The following CCDC7 variants were observed in gnomAD, a reference collection of about 807,000 sequenced individuals.
CCDC7 encodes coiled-coil domain containing 7, also known as coiled-coil domain-containing protein 7.
Under a neutral mutation model 196.9 loss-of-function variants are expected in CCDC7, and 183 were observed. The observed-to-expected ratio is 0.93, with a 90% CI of 0.82 to 1.05. CCDC7 has a LOEUF of 1.05. Among genes scored for constraint, CCDC7 ranks in the 50% least tolerant of loss-of-function variants. The probability of loss-of-function intolerance (pLI) is 0.00; values close to 1 mark genes in which losing one functional copy is unlikely to be tolerated. For missense variants in CCDC7, 1,540 were observed against 1,482.2 expected (o/e 1.04, Z -0.64); for synonymous variants, 525 against 484.6 (o/e 1.08, Z -1.10).
At chr10:32,734,051 C>T (rs1424687198) in intron 28 of CCDC7, among the ~76,000 whole-genome samples, 1 of 152,074 alleles carries the variant, frequency 6.6e-6, no homozygotes, top group African/African-American at 2.4e-5. Context: ...GCAGAACTAC[C>T]ATTCAACACA....
intron 28 of CCDC7, among the ~76,000 whole-genome samples, chr10:32,772,295 C>A (rs1344419528): frequency 6.6e-6 from 1 of 152,284 alleles, no homozygotes; most frequent in East Asian, 1.9e-4. Context: ...AGTTCCCACT[C>A]ATTTGGTGAG....
intron 20 of CCDC7, among the ~76,000 whole-genome samples, chr10:32,641,062 C>A (rs915335496): frequency 6.6e-6 from 1 of 152,044 alleles, no homozygotes; most frequent in African/African-American, 2.4e-5. Flanking sequence ...GTAACCTGAG[C>A]TTTCTGTCTG....
Position 32,726,783 on chromosome 10 carries a change from C to T in CCDC7, c.2619C>T (p.Leu873=), listed in dbSNP as rs766187660. The T allele has an allele frequency of 1.6e-5, 26 of 1,603,576 alleles. 1 individual carries two copies. The Middle Eastern group carries it at 5.0e-4, about 31-fold the overall frequency. Residue 873 remains leucine (L), a synonymous_variant, in exon 26 of 42, where the codon CTC becomes CTT. Transcript: ENST00000639629. ...TTCATCAAGATTCAGTGTCAAAACT[C>T]CAAATGCAAGAAAAGAAAAAAATAA...
chr10:32,513,609 C>T (rs2046569331), intron 9 of CCDC7: 1 of 151,952 alleles, frequency 6.6e-6, no homozygotes, highest in South Asian at 2.1e-4. Flanking sequence ...TACCAAAATA[C>T]TAGCAAACTG....
At chr10:32,830,529 C>T (rs1014507613) in intron 32 of CCDC7, among the ~76,000 whole-genome samples, 2 of 151,906 alleles carry the variant, frequency 1.3e-5, no homozygotes, top group Admixed American at 6.6e-5. Context: ...AAAATCTATG[C>T]TTAAGCATGA....
chr10:32,880,808 CTTGT>C (rs999028530), downstream of CCDC7, among the ~76,000 whole-genome samples: 19 of 152,254 alleles, frequency 1.2e-4, no homozygotes, highest in Admixed American at 1.2e-3. Context: ...TTCCCTATTG[CTTGT>C]TTTTGTCAGG....
chr10:32,871,186 T>C (rs1217497495), intron 41 of CCDC7, among the ~76,000 whole-genome samples: 1 of 152,226 alleles, frequency 6.6e-6, no homozygotes, highest in Non-Finnish European at 1.5e-5. Context: ...TACCAGTTCC[T>C]CCTTGTACCT....
In CCDC7 at chr10:32,454,793, A is replaced by G. The variant is rs1280321591; in HGVS notation, c.372+1357A>G. On this transcript the variant is annotated intron_variant, in intron 2 of 41. Transcript: ENST00000639629. Reference sequence around the variant, plus strand: ...TTACCATAACTGTTTCATAATTTGAATTTCAGTCATCCTAATCTGTGGCCA... The same window carrying G: ...TTACCATAACTGTTTCATAATTTGAGTTTCAGTCATCCTAATCTGTGGCCA... Among the ~76,000 whole-genome samples the G allele has an allele frequency of 2.6e-5, 4 of 152,218 alleles. No homozygotes were observed. The East Asian group carries it at 5.8e-4, about 22-fold the overall frequency.
chr10:32,645,139 C>T (rs935966972), intron 20 of CCDC7, among the ~76,000 whole-genome samples: 21 of 152,076 alleles, frequency 1.4e-4, no homozygotes, highest in African/African-American at 4.8e-4. Context: ...AAATGAAAAC[C>T]ATAGTGAGAT....
At chr10:32,815,303 T>A (rs1483887895) in intron 31 of CCDC7, among the ~76,000 whole-genome samples, 1 of 152,032 alleles carries the variant, frequency 6.6e-6, no homozygotes, top group Non-Finnish European at 1.5e-5. Flanking sequence ...AGTAGTCTAA[T>A]AATAATAATA....
chr10:32,822,472 C>A (rs7902624), intron 31 of CCDC7, among the ~76,000 whole-genome samples: 140,541 of 152,168 alleles, frequency 0.92, 65,876 homozygotes, highest in East Asian at 1. Flanking sequence ...TGTAACAAAT[C>A]CTATAAACAT....
chr10:32,557,189 CA>C (rs1201272240), intron 13 of CCDC7, among the ~76,000 whole-genome samples: 1 of 150,852 alleles, frequency 6.6e-6, no homozygotes. Context: ...GCTTGGCTTT[CA>C]TTTTTTTCTG....
chr10:32,643,831 T>G (rs2139962453), intron 20 of CCDC7, among the ~76,000 whole-genome samples: 1 of 151,356 alleles, frequency 6.6e-6, no homozygotes, highest in Non-Finnish European at 1.5e-5. Flanking sequence ...TAATTTGGTC[T>G]TTTTTTGAAA....
chr10:32,820,529 C>T (rs1432574613), intron 31 of CCDC7, among the ~76,000 whole-genome samples: 1 of 152,126 alleles, frequency 6.6e-6, no homozygotes, highest in Admixed American at 6.5e-5. Context: ...GCCAAAAGAA[C>T]AAAGCTGGAG....
chr10:32,854,496 G>T lies in CCDC7; in HGVS notation c.4111+7G>T, dbSNP rs764735086. 6 of 1,434,862 alleles carry T rather than the reference G, an allele frequency of 4.2e-6. No homozygotes were observed. The highest frequency in any genetic ancestry group is 5.9e-6 in the Non-Finnish European group (6 of 1,021,932). The allele number at this position is 1,434,862 out of a possible 1,614,324, so 88.9% of individuals were successfully genotyped here. ...GGAAAACCTACCTATAAAGGTAAAA[G>T]AATCACTACAATACAGACATATGAA... On this transcript the variant is annotated splice_region_variant and intron_variant, in intron 41 of 41. Transcript: ENST00000639629.
At chr10:32,630,360 G>A (rs1008046891) in intron 18 of CCDC7, among the ~76,000 whole-genome samples, 4 of 152,018 alleles carry the variant, frequency 2.6e-5, no homozygotes, top group Admixed American at 6.6e-5. Context: ...ATATATGTAT[G>A]TGTATATATA....
intron 11 of CCDC7, among the ~76,000 whole-genome samples, chr10:32,534,339 C>G (rs2050139364): frequency 1.3e-5 from 2 of 152,060 alleles, no homozygotes; most frequent in South Asian, 4.1e-4. Flanking sequence ...ACTGAGTTTC[C>G]TTAAAACTGT....
intron 13 of CCDC7, among the ~76,000 whole-genome samples, chr10:32,559,266 G>A (rs1311644529): frequency 6.6e-6 from 1 of 152,238 alleles, no homozygotes; most frequent in African/African-American, 2.4e-5. Context: ...CAAAAAGACA[G>A]CAGTAACCTC....
chr10:32,825,603 A>G (rs1425202114), intron 32 of CCDC7, among the ~76,000 whole-genome samples: 1 of 152,118 alleles, frequency 6.6e-6, no homozygotes, highest in Non-Finnish European at 1.5e-5. Context: ...AGATTTTGGT[A>G]CCAGGAGTGG....
Sources: gnomAD v4.1 joint callset for allele counts (sites outside exome capture counted in the v4.1 genomes callset) on GRCh38, gnomAD v4.1.1 for gene constraint, MANE v1.5 for transcripts, NCBI Gene and HGNC (gene_info 2026-07-23, HGNC 2026-07-21) for gene names.